Variants in ASAP1 observed in about 807,000 individuals in gnomAD.
ASAP1 encodes the protein ArfGAP with SH3 domain, ankyrin repeat and PH domain 1.
A neutral mutation model predicts 145.2 loss-of-function variants in ASAP1; 43 were observed. The ratio of observed to expected loss-of-function variants is 0.30; its 90% CI spans 0.23 to 0.38. The LOEUF (loss-of-function observed/expected upper bound fraction) is 0.38. Ranked by LOEUF, ASAP1 falls within the 10% of genes least tolerant of loss-of-function variation. The probability of loss-of-function intolerance (pLI) is 1.00; values close to 1 mark genes in which losing one functional copy is unlikely to be tolerated. For synonymous variants in ASAP1, 546 were observed against 515.5 expected (o/e 1.06, Z -0.80); for missense variants, 1,018 against 1,355.3 (o/e 0.75, Z 3.91).
chr8:130,264,921 C>A (rs1250474768), intron 3 of ASAP1, among the ~76,000 whole-genome samples: 1 of 151,752 alleles, frequency 6.6e-6, no homozygotes, highest in African/African-American at 2.4e-5. Flanking sequence ...CCCCAAGAAT[C>A]AAAGGAAAAG....
rs750390184 is a variant in ASAP1 at position 130,358,160 on chromosome 8, G to A, written c.60-17C>T. On this transcript the variant is annotated splice_polypyrimidine_tract_variant and intron_variant, in intron 2 of 29. Transcript: ENST00000518721. This position sits in a 1 kb window ranked among gnomAD's most constrained non-coding sequence, Gnocchi z 4.1. ...TCCGGCATCCTGCCGGGAGGGACGA[G>A]ACACAAGCGGGGGCGGGGGGTGAGT... 1.1e-5 allele frequency: 18 copies of A among 1,593,604 alleles called. No homozygotes were observed. The Admixed American group carries it at 1.5e-4, about 13-fold the overall frequency.
intron 27 of ASAP1, among the ~76,000 whole-genome samples, chr8:130,071,103 G>A (rs1303256135): frequency 1.3e-5 from 2 of 149,260 alleles, no homozygotes; most frequent in African/African-American, 5.0e-5. Flanking sequence ...TCCCCTACCC[G>A]ATGCAGTGAT....
chr8:130,377,771 C>T (rs55878237), intron 2 of ASAP1, among the ~76,000 whole-genome samples: 13,325 of 152,228 alleles, frequency 0.088, 771 homozygotes, highest in African/African-American at 0.15. Flanking sequence ...CCAGCCCTCC[C>T]GGCTGTGTCT....
At chr8:130,296,794 C>A (rs1467862495) in intron 3 of ASAP1, among the ~76,000 whole-genome samples, 1 of 152,096 alleles carries the variant, frequency 6.6e-6, no homozygotes, top group East Asian at 1.9e-4. Context: ...ACTTTCCAAG[C>A]AGGTAAAATT....
intron 4 of ASAP1, among the ~76,000 whole-genome samples, chr8:130,216,624 A>G (rs1816945651): frequency 6.6e-6 from 1 of 151,708 alleles, no homozygotes; most frequent in African/African-American, 2.4e-5. Flanking sequence ...TCAGTCTTGG[A>G]CCTTTCTTCT....
chr8:130,344,792 TAAAAAACCAC>T (rs1379910672), intron 3 of ASAP1, among the ~76,000 whole-genome samples: 1 of 151,874 alleles, frequency 6.6e-6, no homozygotes, highest in Non-Finnish European at 1.5e-5. Context: ...CTGCCCAAAG[TAAAAAACCAC>T]TTGGAGGACT....
intron 4 of ASAP1, among the ~76,000 whole-genome samples, chr8:130,223,413 T>C (rs1316653718): frequency 1.3e-5 from 2 of 152,232 alleles, no homozygotes; most frequent in Non-Finnish European, 2.9e-5. Flanking sequence ...GGAATGAGTC[T>C]AAAAATACCT....
chr8:130,120,033 G>T (rs1490543712), intron 18 of ASAP1, among the ~76,000 whole-genome samples: 1 of 152,126 alleles, frequency 6.6e-6, no homozygotes, highest in Non-Finnish European at 1.5e-5. Flanking sequence ...TTTCATTTTG[G>T]GTTGGCAGTA....
intron 1 of ASAP1, among the ~76,000 whole-genome samples, chr8:130,425,104 G>A (rs1829867580): frequency 6.6e-6 from 1 of 152,138 alleles, no homozygotes; most frequent in Non-Finnish European, 1.5e-5. Context: ...GCCGAAGTGG[G>A]CGAAATCACT....
chr8:130,262,535 T>C (rs2136990739), intron 3 of ASAP1, among the ~76,000 whole-genome samples: 1 of 144,050 alleles, frequency 6.9e-6, no homozygotes, highest in East Asian at 2.2e-4. Context: ...AGGTAGAAAA[T>C]AATTATCAAG....
intron 24 of ASAP1, among the ~76,000 whole-genome samples, chr8:130,111,017 T>C (rs62524634): frequency 1.3e-5 from 2 of 151,910 alleles, no homozygotes; most frequent in African/African-American, 4.8e-5. Flanking sequence ...ACTTTAATGG[T>C]AGCCTGAGGC....
intron 5 of ASAP1, among the ~76,000 whole-genome samples, chr8:130,207,426 C>A (rs1015556871): frequency 1.2e-4 from 18 of 152,150 alleles, no homozygotes; most frequent in Admixed American, 6.5e-5. Context: ...TCTAAAAATG[C>A]CACCAGAATG....
At chr8:130,305,676 T>C (rs567567069) in intron 3 of ASAP1, among the ~76,000 whole-genome samples, 19 of 152,264 alleles carry the variant, frequency 1.2e-4, no homozygotes, top group Non-Finnish European at 2.5e-4. Flanking sequence ...TCCCAGCCTA[T>C]TCATTCATTT....
intron 9 of ASAP1, among the ~76,000 whole-genome samples, chr8:130,177,814 G>A (rs1418855178): frequency 1.3e-5 from 2 of 152,150 alleles, no homozygotes; most frequent in African/African-American, 4.8e-5. Context: ...ATGCCACTTA[G>A]AATCATCACA....
intron 3 of ASAP1, among the ~76,000 whole-genome samples, chr8:130,275,798 T>G (rs771780029): frequency 6.6e-6 from 1 of 152,102 alleles, no homozygotes; most frequent in South Asian, 2.1e-4. Flanking sequence ...AAAAGATAGA[T>G]TTATTTTGCT....
intron 4 of ASAP1, among the ~76,000 whole-genome samples, chr8:130,235,936 T>C (rs952981000): frequency 6.6e-6 from 1 of 152,110 alleles, no homozygotes; most frequent in South Asian, 2.1e-4. Context: ...TGGCAGACCC[T>C]TTACAGATAT....
chr8:130,246,303 G>A (rs1043014288), intron 3 of ASAP1, among the ~76,000 whole-genome samples: 8 of 152,042 alleles, frequency 5.3e-5, no homozygotes, highest in African/African-American at 1.9e-4. Context: ...TTGTACCAAT[G>A]GCAGAATTCA....
At chr8:130,362,137 C>T (rs1826745813) in intron 2 of ASAP1, among the ~76,000 whole-genome samples, 1 of 152,104 alleles carries the variant, frequency 6.6e-6, no homozygotes, top group Admixed American at 6.6e-5. Context: ...AGGGAATTGG[C>T]TCTCAGTTAC....
At chr8:130,091,883 T>A in intron 25 of ASAP1, 90 bp downstream of exon 25, 4 of 1,369,442 alleles carry the variant, frequency 2.9e-6, no homozygotes, top group Non-Finnish European at 3.9e-6. Context: ...TTTGGCACAC[T>A]TTCTGAATGT....
Sources: gnomAD v4.1 joint callset for allele counts (sites outside exome capture counted in the v4.1 genomes callset) on GRCh38, gnomAD v4.1.1 for gene constraint, Gnocchi (gnomAD v3.1) non-coding constraint, MANE v1.5 for transcripts, NCBI Gene and HGNC (gene_info 2026-07-23, HGNC 2026-07-21) for gene names.